The following APOL1 variants were observed in gnomAD, a reference collection of about 807,000 sequenced individuals.
The protein encoded by APOL1 is apolipoprotein L 1.
A neutral mutation model predicts 14.9 loss-of-function variants in APOL1; 17 were observed. That is an observed-to-expected ratio of 1.14 (90% CI 0.78 to 1.71). The LOEUF is 1.71. Among genes scored for constraint, APOL1 ranks in the 40% most tolerant of loss-of-function variants. APOL1 has a pLI of 0.00. For synonymous variants in APOL1, 195 were observed against 184.8 expected (o/e 1.05, Z -0.45); for missense variants, 523 against 485.9 (o/e 1.08, Z -0.72).
At position 36,265,284 on chromosome 22, in the gene APOL1, G is replaced by A. The variant is rs2239785; in HGVS notation, c.448G>A (p.Glu150Lys). ...GAAAGAGTTTCCTCGGTTGAAAAGT[G>A]AGCTTGAGGATAACATAAGAAGGCT... is the stretch of plus-strand genomic sequence containing the variant. The part of the protein sequence containing the change: ...FLKEFPRLKS[E>K]LEDNIRRLRA... The change falls in exon 6 of 6, where the codon GAG (glutamate) becomes AAG (lysine). Residue 150 changes from glutamate (E) to lysine (K), a missense_variant. By Grantham distance (56) the Glu-to-Lys change is moderately conservative (BLOSUM62 1). Transcript: ENST00000397278. 1,272,876 of 1,613,690 alleles carry A rather than the reference G, an allele frequency of 0.79. 510,429 individuals are homozygous for A. The highest frequency in any genetic ancestry group is 0.86 in the Admixed American group (51,512 of 59,942).
Position 36,253,194 on chromosome 22 carries a change from A to C in APOL1, c.-45A>C. 4.1e-6 allele frequency: 2 copies of C among 492,486 alleles called. No homozygotes were observed. The highest frequency in any genetic ancestry group is 3.0e-5 in the South Asian group (2 of 66,632). The allele number at this position is 492,486 out of a possible 1,614,324, so 30.5% of individuals were successfully genotyped here. On this transcript the variant is annotated 5_prime_UTR_variant, in exon 1 of 6. Transcript: ENST00000397278. ...AGCTCAGAACAGCTGGATCTTGCTC[A>C]GTCTCTGCCAGGGGAAGATTCCTTG... is the stretch of plus-strand genomic sequence containing the variant.
At chr22:36,263,661 T>C (rs1328779258) in intron 5 of APOL1, among the ~76,000 whole-genome samples, 1 of 152,246 alleles carries the variant, frequency 6.6e-6, no homozygotes, top group African/African-American at 2.4e-5. Flanking sequence ...ACATGCGGTG[T>C]TGCCAACCAG....
At position 36,265,752 on chromosome 22, in the gene APOL1, G is replaced by A; in HGVS notation, c.916G>A (p.Val306Ile). 1 of 1,614,168 alleles carries A rather than the reference G, an allele frequency of 6.2e-7. No individual in the cohort carries two copies. Among genetic ancestry groups the A allele is most frequent in the Non-Finnish European group, 8.5e-7 (1 of 1,180,040 alleles). The change falls in exon 6 of 6, where the codon GTC becomes ATC. Residue 306 changes from valine (V) to isoleucine (I), a missense_variant. Coordinates refer to ENST00000397278, the MANE Select transcript of APOL1 (RefSeq NM_003661.4). ...VPHASASRPR[V>I]TEPISAESGE... ...GCATGCCTCAGCCTCACGCCCCCGG[G>A]TCACTGAGCCAATCTCAGCTGAAAG... is the stretch of plus-strand genomic sequence containing the variant.
Position 36,254,718 on chromosome 22 carries a change from C to A in APOL1, c.-19-219C>A, listed in dbSNP as rs375269881. ...TCTACTAAAAATACAAAAAAATTAG[C>A]CGGGTGTCGTGGCGGGCACCTGTAG... On this transcript the variant is annotated intron_variant, in intron 1 of 5. Coordinates refer to ENST00000397278, the MANE Select transcript of APOL1 (RefSeq NM_003661.4). Among the ~76,000 whole-genome samples, 4 of 152,198 alleles carry A rather than the reference C, an allele frequency of 2.6e-5. No homozygotes were observed. In the East Asian group the frequency reaches 7.7e-4, roughly 29 times the overall value.
rs1173667347 is a variant in APOL1, at chr22:36,265,303, GA to G, written c.469del (p.Arg157GlyfsTer33). Reference protein sequence around the residue: ...RLKSELEDNIRRLRALADGVQ... With the variant: ...RLKSELEDNIXRLRALADGVQ... The stretch of plus-strand genomic sequence containing the variant: ...AAAAGTGAGCTTGAGGATAACATAA[GA>G]AGGCTCCGTGCCCTTGCAGATGGGG... On this transcript the variant is annotated frameshift_variant, in exon 6 of 6. Transcript: ENST00000397278. LOFTEE classifies it low-confidence loss of function (END_TRUNC). 1 of 1,613,618 alleles carries G rather than the reference GA, an allele frequency of 6.2e-7. No homozygotes were observed. The highest frequency in any genetic ancestry group is 1.7e-5 in the Admixed American group (1 of 59,910).
At position 36,266,757 on chromosome 22, in the gene APOL1, T is replaced by C. The variant is rs1461307018; in HGVS notation, c.*724T>C. The C allele has an allele frequency of 3.1e-6, 1 of 323,258 alleles. No individual in the cohort carries two copies. The highest frequency in any genetic ancestry group is 4.9e-5 in the Admixed American group (1 of 20,222). 20.0% of individuals were successfully genotyped at this position (323,258 alleles called of 1,614,324 possible). Reference sequence around the variant, plus strand: ...CGTCTCTACTAAAAATACAAAAAATTAGCCGGGCATGGTGGCGGGCGCCTG... The same window carrying C: ...CGTCTCTACTAAAAATACAAAAAATCAGCCGGGCATGGTGGCGGGCGCCTG... On this transcript the variant is annotated 3_prime_UTR_variant, in exon 6 of 6. Transcript: ENST00000397278.
intron 2 of APOL1, among the ~76,000 whole-genome samples, chr22:36,255,553 T>G (rs1195680716): frequency 5.4e-5 from 8 of 149,414 alleles, no homozygotes; most frequent in Non-Finnish European, 1.0e-4. Context: ...TTACCCTTGC[T>G]GCATGGAGTC....
chr22:36,260,954 T>C (rs1296169929), intron 4 of APOL1, among the ~76,000 whole-genome samples: 2 of 152,226 alleles, frequency 1.3e-5, no homozygotes, highest in African/African-American at 4.8e-5. Context: ...GACACTGGTA[T>C]AAAGTGTTTG....
At chr22:36,253,502 G>A (rs978869800) in intron 1 of APOL1, among the ~76,000 whole-genome samples, 3 of 152,198 alleles carry the variant, frequency 2.0e-5, no homozygotes, top group Non-Finnish European at 4.4e-5. Context: ...TGTGTTGGGG[G>A]TGCCCATCTC....
intron 3 of APOL1, 57 bp from the exon 4 acceptor site, chr22:36,257,262 C>T: frequency 6.2e-7 from 1 of 1,606,060 alleles, no homozygotes; most frequent in Non-Finnish European, 8.5e-7. Context: ...AAGCAAGCCT[C>T]CCTCTGTCCA....
chr22:36,259,821 G>A, intron 4 of APOL1: 6 of 1,304,260 alleles, frequency 4.6e-6, no homozygotes, highest in East Asian at 5.5e-5. Context: ...CCATCTGAGA[G>A]TGCCCAAGAC....
In APOL1 at chr22:36,265,491, G is replaced by T; in HGVS notation, c.655G>T (p.Ala219Ser). The T allele has an allele frequency of 5.6e-6, 9 of 1,614,022 alleles. No homozygotes were observed. Among genetic ancestry groups the T allele is most frequent in the Non-Finnish European group, 7.6e-6 (9 of 1,179,954 alleles). ...TGGGATGGAGTTGGGAATCACAGCC[G>T]CTTTGACCGGGATTACCAGCAGTAC... ...EPGMELGITA[A>S]LTGITSSTMD... The change falls in exon 6 of 6, where the codon GCT becomes TCT. Residue 219 changes from alanine to serine, a missense_variant. By Grantham distance (99) the Ala-to-Ser change is moderately conservative. Transcript: ENST00000397278.
At chr22:36,263,058 A>C (rs925816439) in intron 5 of APOL1, among the ~76,000 whole-genome samples, 1 of 152,274 alleles carries the variant, frequency 6.6e-6, no homozygotes, top group Non-Finnish European at 1.5e-5. Context: ...TAAAATTGCA[A>C]ATGGCCTTGG....
chr22:36,262,033 T>G (rs2016091768), intron 5 of APOL1, among the ~76,000 whole-genome samples: 1 of 152,156 alleles, frequency 6.6e-6, no homozygotes, highest in African/African-American at 2.4e-5. Flanking sequence ...GTGAGAAAAA[T>G]GAGATCGTGC....
chr22:36,257,057 AT>A, intron 2 of APOL1, 25 bp from the exon 3 acceptor site: 1 of 1,613,806 alleles, frequency 6.2e-7, no homozygotes, highest in Non-Finnish European at 8.5e-7. Context: ...CCGTCCTCTG[AT>A]TATCTTCTCC....
At chr22:36,264,301 T>C (rs1301178158) in intron 5 of APOL1, among the ~76,000 whole-genome samples, 4 of 152,086 alleles carry the variant, frequency 2.6e-5, no homozygotes, top group African/African-American at 9.7e-5. Context: ...CCAAACCCCA[T>C]CATCCATCAG....
intron 4 of APOL1, among the ~76,000 whole-genome samples, chr22:36,258,154 C>G (rs903643560): frequency 6.6e-6 from 1 of 152,136 alleles, no homozygotes; most frequent in Admixed American, 6.5e-5. Context: ...CCCCGTCCCC[C>G]CCCAGCTGTG....
chr22:36,259,496 C>T (rs919908772), intron 4 of APOL1, among the ~76,000 whole-genome samples: 3 of 152,150 alleles, frequency 2.0e-5, no homozygotes, highest in African/African-American at 4.8e-5. Context: ...GCTCAGGAGC[C>T]GCCCTGGACA....
chr22:36,262,718 C>A (rs536844374), intron 5 of APOL1, among the ~76,000 whole-genome samples: 1 of 152,168 alleles, frequency 6.6e-6, no homozygotes, highest in Non-Finnish European at 1.5e-5. Flanking sequence ...CTGGATGATC[C>A]CAACACTCAT....
Sources: allele counts gnomAD v4.1 joint callset (sites outside exome capture counted in the v4.1 genomes callset), GRCh38; gene constraint gnomAD v4.1.1; transcripts MANE v1.5; gene names NCBI Gene and HGNC (gene_info 2026-07-23, HGNC 2026-07-21).